Variants in SETBP1 observed in about 807,000 individuals in gnomAD.
The protein encoded by SETBP1 is SET-binding protein.
In SETBP1, 9 loss-of-function variants were observed where a neutral mutation model predicts 101.0. That is an observed-to-expected ratio of 0.09 (90% CI 0.05 to 0.16). The LOEUF (loss-of-function observed/expected upper bound fraction) is 0.16, where lower values mean the gene tolerates loss of function less well. Ranked by LOEUF, SETBP1 falls within the 10% of genes least tolerant of loss-of-function variation. SETBP1 has a pLI of 1.00. For missense variants in SETBP1, 1,858 were observed against 2,033.8 expected (o/e 0.91, Z 1.66); for synonymous variants, 818 against 788.5 (o/e 1.04, Z -0.63).
At chr18:44,997,094 T>C (rs2072513684) in intron 4 of SETBP1, among the ~76,000 whole-genome samples, 1 of 151,914 alleles carries the variant, frequency 6.6e-6, no homozygotes, top group African/African-American at 2.4e-5. Context: ...ACTAAGAGAG[T>C]TGAAGTGTAG....
intron 4 of SETBP1, among the ~76,000 whole-genome samples, chr18:44,976,137 T>C (rs949319140): frequency 6.1e-5 from 9 of 148,472 alleles, no homozygotes; most frequent in African/African-American, 2.0e-4. Context: ...CCTATGCACA[T>C]AGACACCAGA....
In SETBP1 at chr18:44,901,083, T is replaced by C. The variant is rs116469176; in HGVS notation, c.540+31800T>C. ...AATATATAAAACAGAACAAACTGTTTAATTTAACACCCTGAGAAGATTCAG... is the reference window on the plus strand; with the variant it reads ...AATATATAAAACAGAACAAACTGTTCAATTTAACACCCTGAGAAGATTCAG... On this transcript the variant is annotated intron_variant, in intron 3 of 5. Transcript: ENST00000649279. Among the ~76,000 whole-genome samples, 893 of 152,324 alleles carry C rather than the reference T, an allele frequency of 5.9e-3. 10 individuals carry two copies. Among genetic ancestry groups the C allele is most frequent in the African/African-American group, 0.02 (851 of 41,566 alleles).
chr18:44,731,235 C>T (rs1166612420), intron 2 of SETBP1, among the ~76,000 whole-genome samples: 3 of 152,212 alleles, frequency 2.0e-5, no homozygotes, highest in African/African-American at 7.2e-5. Context: ...ATGTATGACC[C>T]TCAGCATTTC....
At chr18:44,954,193 G>C (rs1599372964) in intron 4 of SETBP1, among the ~76,000 whole-genome samples, 1 of 152,106 alleles carries the variant, frequency 6.6e-6, no homozygotes, top group African/African-American at 2.4e-5. Context: ...CTTCCCTGCT[G>C]TTAGGGCCTC....
intron 2 of SETBP1, among the ~76,000 whole-genome samples, chr18:44,868,300 T>C (rs1485147521): frequency 6.6e-6 from 1 of 151,906 alleles, no homozygotes; most frequent in East Asian, 1.9e-4. Flanking sequence ...GTGTATAAAA[T>C]CATAGGCAAC....
chr18:44,766,970 A>G (rs2070774161), intron 2 of SETBP1, among the ~76,000 whole-genome samples: 1 of 152,224 alleles, frequency 6.6e-6, no homozygotes, highest in South Asian at 2.1e-4. Context: ...AGATCACTGG[A>G]GGGCAATCTG....
At chr18:44,734,179 A>C (rs1051694025) in intron 2 of SETBP1, among the ~76,000 whole-genome samples, 4 of 152,358 alleles carry the variant, frequency 2.6e-5, no homozygotes, top group African/African-American at 9.6e-5. Context: ...CAGTATAAGA[A>C]TTTGTAAATG....
At chr18:44,853,709 C>T (rs2072916589) in intron 2 of SETBP1, among the ~76,000 whole-genome samples, 1 of 152,244 alleles carries the variant, frequency 6.6e-6, no homozygotes, top group Admixed American at 6.5e-5. Flanking sequence ...AATAAGGTCA[C>T]AGTGCTAGGT....
intron 5 of SETBP1, among the ~76,000 whole-genome samples, chr18:45,051,682 G>T (rs992765486): frequency 6.6e-6 from 1 of 152,064 alleles, no homozygotes; most frequent in African/African-American, 2.4e-5. Flanking sequence ...GGGACCCATC[G>T]TTTCAGTCAA....
intron 2 of SETBP1, among the ~76,000 whole-genome samples, chr18:44,852,275 G>A (rs886317116): frequency 1.3e-5 from 2 of 152,182 alleles, no homozygotes; most frequent in African/African-American, 2.4e-5. Flanking sequence ...CAACTTGCAT[G>A]AGCCCTGAAA....
intron 2 of SETBP1, among the ~76,000 whole-genome samples, chr18:44,853,866 C>G (rs190477691): frequency 6.6e-6 from 1 of 152,144 alleles, no homozygotes; most frequent in African/African-American, 2.4e-5. Flanking sequence ...CCTGAAGTGC[C>G]TCTCCCACAG....
chr18:44,979,206 G>T (rs1199671914), intron 4 of SETBP1, among the ~76,000 whole-genome samples: 3 of 152,202 alleles, frequency 2.0e-5, no homozygotes, highest in Non-Finnish European at 4.4e-5. Flanking sequence ...CACCGAATCT[G>T]CATTTGCTTC....
At chr18:44,982,287 C>T (rs757676217) in intron 4 of SETBP1, among the ~76,000 whole-genome samples, 14 of 152,182 alleles carry the variant, frequency 9.2e-5, no homozygotes, top group Non-Finnish European at 1.5e-4. Context: ...GGCAGAGTGC[C>T]GGGCTGGGGA....
intron 3 of SETBP1, among the ~76,000 whole-genome samples, chr18:44,887,661 C>T (rs530831295): frequency 3.3e-4 from 50 of 152,200 alleles, no homozygotes; most frequent in Non-Finnish European, 5.3e-4. Context: ...GAATATCTTC[C>T]GAGTAAGAAT....
Position 45,063,970 on chromosome 18 carries a change from G to A in SETBP1, c.*272G>A. Reference sequence around the variant, plus strand: ...GTACGGCTGGATCCTCCGCAGGCGAGCGGAAGGCCCCCAGGAGGAGCAGGC... The same window carrying A: ...GTACGGCTGGATCCTCCGCAGGCGAACGGAAGGCCCCCAGGAGGAGCAGGC... On this transcript the variant is annotated 3_prime_UTR_variant, in exon 6 of 6. Transcript: ENST00000649279. The A allele has an allele frequency of 2.7e-6, 1 of 364,646 alleles. No homozygotes were observed. Among genetic ancestry groups the A allele is most frequent in the South Asian group, 3.6e-5 (1 of 27,580 alleles). 22.6% of individuals were successfully genotyped at this position (364,646 alleles called of 1,614,324 possible).
intron 5 of SETBP1, among the ~76,000 whole-genome samples, chr18:45,051,292 G>A (rs192722894): frequency 1.3e-5 from 2 of 151,890 alleles, no homozygotes; most frequent in East Asian, 3.9e-4. Flanking sequence ...AGTGTTTGCC[G>A]TCTTGAGTCT....
chr18:44,783,078 C>T (rs988373564), intron 2 of SETBP1, among the ~76,000 whole-genome samples: 1 of 152,176 alleles, frequency 6.6e-6, no homozygotes, highest in Non-Finnish European at 1.5e-5. Flanking sequence ...GGTTTATTTT[C>T]TCCCATATAA....
chr18:44,734,660 AATCCCCTTCCTTCCT>A (rs2069924039), intron 2 of SETBP1, among the ~76,000 whole-genome samples: 1 of 152,076 alleles, frequency 6.6e-6, no homozygotes, highest in South Asian at 2.1e-4. Flanking sequence ...CTCCTTGAAG[AATCCCCTTCCTTCCT>A]GGTGTCCTCA....
chr18:44,956,207 G>A (rs1883292359), intron 4 of SETBP1, among the ~76,000 whole-genome samples: 1 of 151,838 alleles, frequency 6.6e-6, no homozygotes. Context: ...TCCCTTCCAA[G>A]CCTTAGCCTC....
Sources: gnomAD v4.1 joint callset for allele counts (sites outside exome capture counted in the v4.1 genomes callset) on GRCh38, gnomAD v4.1.1 for gene constraint, MANE v1.5 for transcripts, NCBI Gene and HGNC (gene_info 2026-07-23, HGNC 2026-07-21) for gene names.